THSD7B: variants seen among roughly 807,000 people sequenced by gnomAD.
The protein encoded by THSD7B is thrombospondin type-1 domain-containing protein 7B.
Under a neutral mutation model 213.6 loss-of-function variants are expected in THSD7B, and 138 were observed. The ratio of observed to expected loss-of-function variants is 0.65; its 90% CI spans 0.56 to 0.74. THSD7B has a LOEUF of 0.74. THSD7B is among the 30% of genes least tolerant of loss of function. The probability of loss-of-function intolerance (pLI) is 0.00; values close to 1 mark genes in which losing one functional copy is unlikely to be tolerated. For missense variants in THSD7B, 1,931 were observed against 1,991.5 expected (o/e 0.97, Z 0.58); for synonymous variants, 742 against 687.0 (o/e 1.08, Z -1.25).
chr2:136,895,049 T>G (rs1432074288), intron 2 of THSD7B, among the ~76,000 whole-genome samples: 1 of 152,190 alleles, frequency 6.6e-6, no homozygotes, highest in Non-Finnish European at 1.5e-5. Flanking sequence ...CTTAGATGGG[T>G]CCATATGATT....
At chr2:137,224,468 A>G (rs942085493) in intron 7 of THSD7B, among the ~76,000 whole-genome samples, 2 of 152,216 alleles carry the variant, frequency 1.3e-5, no homozygotes, top group Non-Finnish European at 2.9e-5. Context: ...ATTAATAAAG[A>G]TAGTTCCCAC....
intron 1 of THSD7B, among the ~76,000 whole-genome samples, chr2:136,817,077 G>A (rs1314456339): frequency 2.0e-5 from 3 of 152,086 alleles, no homozygotes; most frequent in South Asian, 2.1e-4. Flanking sequence ...TCTATTGTCG[G>A]CTCATTCTTA....
chr2:137,160,148 A>G (rs1679987479), intron 5 of THSD7B, 65 bp from the exon 6 acceptor site: 2 of 1,501,002 alleles, frequency 1.3e-6, no homozygotes, highest in East Asian at 2.3e-5. Context: ...ATGCAAATAA[A>G]GGCAGAAGCA....
chr2:136,776,110 G>A (rs1044890875), intron 1 of THSD7B, among the ~76,000 whole-genome samples: 4 of 152,064 alleles, frequency 2.6e-5, no homozygotes, highest in African/African-American at 9.7e-5. Context: ...ATGGAGTTAG[G>A]AGAACAAAGA....
intron 12 of THSD7B, among the ~76,000 whole-genome samples, chr2:137,389,260 T>C (rs1685963570): frequency 6.8e-6 from 1 of 146,700 alleles, no homozygotes; most frequent in African/African-American, 2.5e-5. Flanking sequence ...TTTTTCTAAC[T>C]AGCATAAGAT....
intron 5 of THSD7B, among the ~76,000 whole-genome samples, chr2:137,122,147 T>G (rs1324138794): frequency 6.6e-6 from 1 of 152,188 alleles, no homozygotes. Flanking sequence ...TCTAAATGAT[T>G]TCCATAGTTA....
At chr2:137,479,465 T>C in intron 15 of THSD7B, 1 of 404,180 alleles carries the variant, frequency 2.5e-6, no homozygotes, top group Non-Finnish European at 5.0e-6. Flanking sequence ...GATCTTCAGG[T>C]CCCTGTCAGA....
chr2:136,901,145 T>C (rs944275454), intron 2 of THSD7B, among the ~76,000 whole-genome samples: 1 of 152,244 alleles, frequency 6.6e-6, no homozygotes, highest in Non-Finnish European at 1.5e-5. Context: ...TTATTTTTCC[T>C]GCCTTTATCC....
intron 12 of THSD7B, among the ~76,000 whole-genome samples, chr2:137,312,847 TTTGA>T (rs1683955805): frequency 1.3e-5 from 2 of 151,982 alleles, no homozygotes; most frequent in South Asian, 4.2e-4. Flanking sequence ...TGAGTTCTAA[TTTGA>T]TTGCACTGTG....
intron 15 of THSD7B, among the ~76,000 whole-genome samples, chr2:137,518,266 C>T (rs1474179890): frequency 1.3e-5 from 2 of 152,118 alleles, no homozygotes; most frequent in South Asian, 2.1e-4. Context: ...ACAGATGATC[C>T]TGCACCACCC....
At chr2:137,342,236 C>A (rs1331452570) in intron 12 of THSD7B, among the ~76,000 whole-genome samples, 1 of 151,374 alleles carries the variant, frequency 6.6e-6, no homozygotes, top group Admixed American at 6.6e-5. Flanking sequence ...TAAACTTATT[C>A]CCAAATTTAT....
intron 12 of THSD7B, among the ~76,000 whole-genome samples, chr2:137,324,385 A>G (rs1020238580): frequency 1.3e-5 from 2 of 152,222 alleles, no homozygotes; most frequent in African/African-American, 4.8e-5. Context: ...TTGAAATAGT[A>G]TTCCTCACAA....
chr2:137,147,087 C>G (rs1679718481), intron 5 of THSD7B, among the ~76,000 whole-genome samples: 2 of 151,992 alleles, frequency 1.3e-5, no homozygotes, highest in Admixed American at 1.3e-4. Context: ...CAATTTTGAC[C>G]CAGTGCCTCT....
chr2:137,321,016 G>C (rs947710880), intron 12 of THSD7B, among the ~76,000 whole-genome samples: 1 of 152,198 alleles, frequency 6.6e-6, no homozygotes, highest in African/African-American at 2.4e-5. Flanking sequence ...TAAGCCACAA[G>C]TTTCTCATCT....
At chr2:137,042,429 A>G (rs187566374) in intron 2 of THSD7B, among the ~76,000 whole-genome samples, 1 of 152,200 alleles carries the variant, frequency 6.6e-6, no homozygotes, top group African/African-American at 2.4e-5. Context: ...AAACAGTTAC[A>G]CAGGGAAAGA....
intron 12 of THSD7B, among the ~76,000 whole-genome samples, chr2:137,298,824 G>A (rs1284192076): frequency 6.6e-6 from 1 of 152,192 alleles, no homozygotes; most frequent in East Asian, 1.9e-4. Flanking sequence ...TTCAGAAGTT[G>A]TATGGAAATG....
chr2:137,392,646 A>G (rs1686060160), intron 12 of THSD7B, among the ~76,000 whole-genome samples: 1 of 152,058 alleles, frequency 6.6e-6, no homozygotes, highest in Admixed American at 6.6e-5. Flanking sequence ...TTAGAGAGAA[A>G]GTTAGTTTTT....
intron 15 of THSD7B, among the ~76,000 whole-genome samples, chr2:137,503,403 C>A (rs1210452264): frequency 6.6e-6 from 1 of 152,132 alleles, no homozygotes; most frequent in Non-Finnish European, 1.5e-5. Context: ...CAGCTATTCC[C>A]CATTTTAAGC....
chr2:137,287,658 A>G (rs926146402), intron 12 of THSD7B, among the ~76,000 whole-genome samples: 13 of 152,128 alleles, frequency 8.5e-5, no homozygotes, highest in African/African-American at 3.1e-4. Flanking sequence ...CCAGCCTCCC[A>G]TTTTTAACAT....
Sources: gnomAD v4.1 joint callset for allele counts (sites outside exome capture counted in the v4.1 genomes callset) on GRCh38, gnomAD v4.1.1 for gene constraint, MANE v1.5 for transcripts, NCBI Gene and HGNC (gene_info 2026-07-23, HGNC 2026-07-21) for gene names.